Variants in EDA2R observed in about 807,000 individuals in gnomAD.
EDA2R encodes the protein tumor necrosis factor receptor superfamily member 27.
EDA2R carries 26 observed loss-of-function variants against 20.1 expected under a neutral mutation model. That is an observed-to-expected ratio of 1.30 (90% confidence interval 0.95 to 1.80). The LOEUF (loss-of-function observed/expected upper bound fraction) is 1.80. Among genes scored for constraint, EDA2R ranks in the 40% most tolerant of loss-of-function variants. The pLI is 0.00. For synonymous variants in EDA2R, 114 were observed against 88.7 expected (o/e 1.29, Z -1.60); for missense variants, 277 against 228.7 (o/e 1.21, Z -1.36).
rs765817319 is a variant in EDA2R, at chrX:66,625,573, C to T, written c.-10-9543G>A. On this transcript the variant is annotated intron_variant, in intron 1 of 6. Transcript: ENST00000374719. Reference sequence around the variant, plus strand: ...TCTACCCCCACCTGATGGGCCTTCCCTACCCACCATGGTAGCTGAAGACAA... The same window carrying T: ...TCTACCCCCACCTGATGGGCCTTCCTTACCCACCATGGTAGCTGAAGACAA... Among the ~76,000 whole-genome samples the T allele has an allele frequency of 6.3e-5, 7 of 111,516 alleles. No homozygotes were observed. In the Admixed American group the frequency reaches 6.6e-4, roughly 11 times the overall value.
At chrX:66,634,997 C>A (rs1188152870) in intron 1 of EDA2R, among the ~76,000 whole-genome samples, 1 of 112,092 alleles carries the variant, frequency 8.9e-6, no homozygotes. Flanking sequence ...ATCTCAGTGT[C>A]TGATTCCACC....
In EDA2R at chrX:66,599,606, C is replaced by G; in HGVS notation, c.772G>C (p.Asp258His). The change falls in exon 6 of 7, where the codon GAC becomes CAC. Residue 258 changes from aspartate (D) to histidine (H), a missense_variant. Physicochemically the swap from Asp to His is moderately conservative, Grantham distance 81. Transcript: ENST00000374719. ...VHSPIECTELDLQKFSSSASY... is the reference protein window; with the variant it reads ...VHSPIECTELHLQKFSSSASY... Reference sequence around the variant, plus strand: ...GCAGAGCTGGAAAACTTTTGCAGGTCCAGCTCTGTGCATTCGATGGGGCTG... The same window carrying G: ...GCAGAGCTGGAAAACTTTTGCAGGTGCAGCTCTGTGCATTCGATGGGGCTG... 2 of 1,202,695 alleles carry G rather than the reference C, an allele frequency of 1.7e-6. No individual in the cohort carries two copies. The highest frequency in any genetic ancestry group is 2.2e-6 in the Non-Finnish European group (2 of 890,975).
chrX:66,602,926 G>C, intron 4 of EDA2R, 129 bp from the exon 5 acceptor site: 1 of 582,673 alleles, frequency 1.7e-6, no homozygotes, highest in Non-Finnish European at 2.6e-6. Context: ...TGGCTATGCT[G>C]GTTTTACTTC....
chrX:66,612,576 T>C (rs1031887533), intron 2 of EDA2R, among the ~76,000 whole-genome samples: 4 of 110,681 alleles, frequency 3.6e-5, no homozygotes, highest in Non-Finnish European at 5.7e-5. Flanking sequence ...TAAATCATGA[T>C]GGAATCCTAA....
intron 1 of EDA2R, among the ~76,000 whole-genome samples, chrX:66,636,430 G>A (rs1229388837): frequency 9.0e-6 from 1 of 110,559 alleles, no homozygotes; most frequent in Non-Finnish European, 1.9e-5. Flanking sequence ...CTGATCTCTG[G>A]TCTTCAGATC....
intron 1 of EDA2R, among the ~76,000 whole-genome samples, chrX:66,617,755 C>T (rs1931953364): frequency 9.0e-6 from 1 of 110,921 alleles, no homozygotes; most frequent in Non-Finnish European, 1.9e-5. Context: ...CTAACCATGG[C>T]TTTGAAACCT....
At chrX:66,631,026 C>T (rs778159251) in intron 1 of EDA2R, among the ~76,000 whole-genome samples, 10 of 108,146 alleles carry the variant, frequency 9.2e-5, no homozygotes, top group African/African-American at 2.7e-4. Flanking sequence ...TATACATATA[C>T]ACACACATGT....
chrX:66,632,319 G>A (rs1411217740), intron 1 of EDA2R, among the ~76,000 whole-genome samples: 1 of 111,163 alleles, frequency 9.0e-6, no homozygotes, highest in Non-Finnish European at 1.9e-5. Context: ...AGCTACTCGG[G>A]AGGCTGAGGC....
At position 66,599,668 on chromosome X, in the gene EDA2R, G is replaced by A; in HGVS notation, c.710C>T (p.Ala237Val). 1.7e-6 allele frequency: 2 copies of A among 1,208,329 alleles called. No individual in the cohort carries two copies. The highest frequency in any genetic ancestry group is 1.1e-6 in the Non-Finnish European group (1 of 894,007). The change falls in exon 6 of 7, where the codon GCC (alanine) becomes GTC (valine). Residue 237 changes from alanine to valine, a missense_variant. Transcript: ENST00000374719. ...GGAGTGGCTCTCTGAGGTGCAGGAGGCCATGGTAAAGGACTCCTGTGTGGG... is the reference window on the plus strand; with the variant it reads ...GGAGTGGCTCTCTGAGGTGCAGGAGACCATGGTAAAGGACTCCTGTGTGGG... ...GFPTQESFTM[A>V]SCTSESHSHW...
chrX:66,635,896 T>C (rs965458310), intron 1 of EDA2R, among the ~76,000 whole-genome samples: 9 of 111,285 alleles, frequency 8.1e-5, no homozygotes, highest in African/African-American at 2.9e-4. Flanking sequence ...GAAAAAATGA[T>C]TTATATTCTT....
At position 66,597,545 on chromosome X, in the gene EDA2R, A is replaced by G. The variant is rs1294146080; in HGVS notation, c.*559T>C. ...AGTGTTTGCCCTGCCTCATGCTGCA[A>G]TGCAGCAGTCTGAGACATGAACTTG... is the stretch of plus-strand genomic sequence containing the variant. On this transcript the variant is annotated 3_prime_UTR_variant, in exon 7 of 7. Coordinates refer to ENST00000374719, the MANE Select transcript of EDA2R (RefSeq NM_021783.5). 3.6e-5 allele frequency: 4 copies of G among 112,218 alleles called. No individual in the cohort carries two copies. Among genetic ancestry groups the G allele is most frequent in the Non-Finnish European group, 3.8e-5 (2 of 53,299 alleles). The allele number at this position is 112,218 out of a possible 1,213,427, so 9.2% of individuals were successfully genotyped here. A position where few individuals can be genotyped will look rare whatever the true frequency, so the allele number is the denominator to read the frequency against.
At position 66,616,157 on chromosome X, in the gene EDA2R, G is replaced by A. The variant is rs1314491819; in HGVS notation, c.-10-127C>T. On this transcript the variant is annotated intron_variant, in intron 1 of 6. Coordinates refer to ENST00000374719, the MANE Select transcript of EDA2R (RefSeq NM_021783.5). ...GATCTGAGATAGTAGGGACGAGGAA[G>A]CCAACACAAAAGAGTTAATGCTTAT... The A allele has an allele frequency of 2.8e-5, 13 of 468,795 alleles. No homozygotes were observed. In the East Asian group the frequency reaches 4.8e-4, roughly 17 times the overall value. 38.6% of individuals were successfully genotyped at this position (468,795 alleles called of 1,213,427 possible). A position where few individuals can be genotyped will look rare whatever the true frequency, so the allele number is the denominator to read the frequency against.
Position 66,628,249 on chromosome X carries a change from A to C in EDA2R, c.-11+10746T>G, listed in dbSNP as rs1042462359. Among the ~76,000 whole-genome samples, 3 of 111,240 alleles carry C rather than the reference A, an allele frequency of 2.7e-5. No homozygotes were observed. In the Admixed American group the frequency reaches 2.9e-4, roughly 11 times the overall value. ...AATGACTAAAAGAGCACAAACTGAC[A>C]TTCTAAGGTTGTGCCTCAAGGAACT... On this transcript the variant is annotated intron_variant, in intron 1 of 6. Transcript: ENST00000374719.
At chrX:66,622,447 A>T (rs755025978) in intron 1 of EDA2R, among the ~76,000 whole-genome samples, 1 of 111,333 alleles carries the variant, frequency 9.0e-6, no homozygotes, top group Admixed American at 9.6e-5. Context: ...TGCTCTCTCT[A>T]TGTAGTATGG....
intron 2 of EDA2R, among the ~76,000 whole-genome samples, chrX:66,606,642 G>T (rs773054215): frequency 3.6e-5 from 4 of 111,992 alleles, no homozygotes; most frequent in South Asian, 3.8e-4. Flanking sequence ...CAAGAAAAAG[G>T]TCACTTGAAA....
chrX:66,600,465 G>A (rs931197834), intron 5 of EDA2R, among the ~76,000 whole-genome samples: 2 of 111,852 alleles, frequency 1.8e-5, no homozygotes, highest in African/African-American at 3.3e-5. Flanking sequence ...CAAGGAAATG[G>A]GACCTAAGTC....
intron 2 of EDA2R, among the ~76,000 whole-genome samples, chrX:66,607,740 G>A (rs1929958064): frequency 9.0e-6 from 1 of 111,540 alleles, no homozygotes; most frequent in South Asian, 3.8e-4. Flanking sequence ...ACAGGAAGAG[G>A]GGAAATCTGA....
intron 1 of EDA2R, among the ~76,000 whole-genome samples, chrX:66,632,434 A>AAGAAGAAGG (rs111434768): frequency 9.6e-6 from 1 of 103,964 alleles, no homozygotes; most frequent in African/African-American, 3.5e-5. Context: ...GAAGAAGAAG[A>AAGAAGAAGG]AGCAGGAGGA....
intron 1 of EDA2R, among the ~76,000 whole-genome samples, chrX:66,618,419 T>G (rs1160131845): frequency 1.8e-5 from 2 of 112,036 alleles, no homozygotes; most frequent in Non-Finnish European, 3.8e-5. Context: ...TCCTGTAGCA[T>G]ATGTAACCGC....
Sources: gnomAD v4.1 joint callset for allele counts (sites outside exome capture counted in the v4.1 genomes callset) on GRCh38, gnomAD v4.1.1 for gene constraint, MANE v1.5 for transcripts, NCBI Gene and HGNC (gene_info 2026-07-23, HGNC 2026-07-21) for gene names.